MARCHF1: variants seen among roughly 807,000 people sequenced by gnomAD.
MARCHF1 encodes the protein membrane associated ring-CH-type finger 1.
Under a neutral mutation model 54.2 loss-of-function variants are expected in MARCHF1, and 40 were observed. The ratio of observed to expected loss-of-function variants is 0.74; its 90% confidence interval spans 0.57 to 0.96. The LOEUF is 0.96. Ranked by LOEUF, MARCHF1 falls within the 40% of genes least tolerant of loss-of-function variation. The probability of loss-of-function intolerance (pLI) is 0.00; values close to 1 mark genes in which losing one functional copy is unlikely to be tolerated. For synonymous variants in MARCHF1, 236 were observed against 236.3 expected, an observed-to-expected ratio of 1.00 and a Z score of 0.01; for missense variants, 586 against 656.5, an observed-to-expected ratio of 0.89 and a Z score of 1.17.
chr4:163,848,961 G>C (rs1749568487), intron 4 of MARCHF1, among the ~76,000 whole-genome samples: 1 of 152,110 alleles, frequency 6.6e-6, no homozygotes, highest in South Asian at 2.1e-4. Flanking sequence ...TCAATGCAGA[G>C]CAGAAAATAA....
At chr4:164,372,539 A>G (rs1731065498) in intron 1 of MARCHF1, among the ~76,000 whole-genome samples, 2 of 152,234 alleles carry the variant, frequency 1.3e-5, no homozygotes, top group South Asian at 2.1e-4. Context: ...TAATTTTTTT[A>G]TAATAAACAT....
intron 1 of MARCHF1, among the ~76,000 whole-genome samples, chr4:164,135,932 G>A (rs1041435931): frequency 6.6e-6 from 1 of 152,020 alleles, no homozygotes; most frequent in African/African-American, 2.4e-5. Context: ...AGGCCCAAAG[G>A]TAAATATTTT....
At chr4:164,229,523 T>G (rs1032087609) in intron 1 of MARCHF1, among the ~76,000 whole-genome samples, 1 of 152,148 alleles carries the variant, frequency 6.6e-6, no homozygotes, top group Non-Finnish European at 1.5e-5. Flanking sequence ...AGTCTGTCAC[T>G]CAGGCTGGAG....
intron 8 of MARCHF1, among the ~76,000 whole-genome samples, chr4:163,546,047 T>A (rs1738894245): frequency 6.6e-6 from 1 of 151,832 alleles, no homozygotes; most frequent in African/African-American, 2.4e-5. Context: ...CAATCTCAGG[T>A]CACTGCAACC....
At chr4:163,817,481 C>CAT (rs1284379864) in intron 4 of MARCHF1, among the ~76,000 whole-genome samples, 1 of 150,368 alleles carries the variant, frequency 6.7e-6, no homozygotes, top group Non-Finnish European at 1.5e-5. Context: ...CACACACACA[C>CAT]ATATCCATCA....
chr4:164,137,335 A>G (rs577611186), intron 1 of MARCHF1, among the ~76,000 whole-genome samples: 3 of 152,322 alleles, frequency 2.0e-5, no homozygotes, highest in African/African-American at 7.2e-5. Context: ...ATATGTCAAA[A>G]GGAGAACTAA....
At chr4:163,802,359 C>T (rs2110977303) in intron 4 of MARCHF1, among the ~76,000 whole-genome samples, 1 of 149,448 alleles carries the variant, frequency 6.7e-6, no homozygotes, top group Middle Eastern at 3.6e-3. Flanking sequence ...AAAGCAGACA[C>T]TCAGAAATAT....
At chr4:163,952,869 G>C (rs1415806292) in intron 3 of MARCHF1, among the ~76,000 whole-genome samples, 1 of 152,172 alleles carries the variant, frequency 6.6e-6, no homozygotes, top group Non-Finnish European at 1.5e-5. Flanking sequence ...GAGAAGCTCT[G>C]AGGTTATCTT....
intron 1 of MARCHF1, among the ~76,000 whole-genome samples, chr4:164,305,160 A>G (rs1734664175): frequency 6.6e-6 from 1 of 152,168 alleles, no homozygotes; most frequent in Non-Finnish European, 1.5e-5. Context: ...GAAATGGGAA[A>G]GTGACCCCCA....
chr4:163,758,076 A>C (rs1746729813), intron 4 of MARCHF1, among the ~76,000 whole-genome samples: 1 of 152,218 alleles, frequency 6.6e-6, no homozygotes, highest in Admixed American at 6.5e-5. Flanking sequence ...TTTTTAATCC[A>C]GTAGTTTCCT....
At chr4:163,819,548 A>G (rs1210531772) in intron 4 of MARCHF1, among the ~76,000 whole-genome samples, 4 of 152,066 alleles carry the variant, frequency 2.6e-5, no homozygotes, top group Non-Finnish European at 5.9e-5. Context: ...AAACTCTCCA[A>G]TTCACCACAA....
intron 1 of MARCHF1, among the ~76,000 whole-genome samples, chr4:164,213,830 T>C (rs1200660234): frequency 6.6e-6 from 1 of 151,902 alleles, no homozygotes; most frequent in African/African-American, 2.4e-5. Flanking sequence ...TAAAATCTAA[T>C]TTGGGGTTTT....
chr4:164,290,727 A>G (rs1454907265), intron 1 of MARCHF1, among the ~76,000 whole-genome samples: 1 of 151,998 alleles, frequency 6.6e-6, no homozygotes, highest in Admixed American at 6.6e-5. Flanking sequence ...AATCATTTGA[A>G]AAGTATTCAT....
chr4:163,656,493 C>T (rs1377489382), intron 5 of MARCHF1, among the ~76,000 whole-genome samples: 1 of 151,976 alleles, frequency 6.6e-6, no homozygotes, highest in Non-Finnish European at 1.5e-5. Context: ...GGAGATGGTA[C>T]CATTTCTTCT....
intron 1 of MARCHF1, among the ~76,000 whole-genome samples, chr4:164,140,239 C>CTATATATA (rs70948702): frequency 0.053 from 7,874 of 147,240 alleles, 234 homozygotes; most frequent in African/African-American, 0.063. Context: ...TACACACACA[C>CTATATATA]TATATATATA....
intron 1 of MARCHF1, among the ~76,000 whole-genome samples, chr4:164,345,437 T>C (rs1042191715): frequency 2.0e-5 from 3 of 151,902 alleles, no homozygotes; most frequent in African/African-American, 7.3e-5. Context: ...CTGGGTGTAG[T>C]GGCGCATGCT....
intron 4 of MARCHF1, among the ~76,000 whole-genome samples, chr4:163,773,577 A>G (rs1747219809): frequency 6.6e-6 from 1 of 152,178 alleles, no homozygotes; most frequent in Admixed American, 6.5e-5. Flanking sequence ...TGCTCAAACA[A>G]TATAGCACAG....
At chr4:164,155,225 G>A (rs1021384205) in intron 1 of MARCHF1, among the ~76,000 whole-genome samples, 2 of 152,090 alleles carry the variant, frequency 1.3e-5, no homozygotes, top group African/African-American at 4.8e-5. Context: ...GCTTAAGGGT[G>A]GGGCCTTTGC....
At chr4:164,278,126 CT>C (rs1435635880) in intron 1 of MARCHF1, among the ~76,000 whole-genome samples, 1 of 152,120 alleles carries the variant, frequency 6.6e-6, no homozygotes, top group East Asian at 1.9e-4. Flanking sequence ...GCCTGAGAAC[CT>C]GGCAAAAGTC....
Sources: allele counts gnomAD v4.1 joint callset (sites outside exome capture counted in the v4.1 genomes callset), GRCh38; gene constraint gnomAD v4.1.1; transcripts MANE v1.5; gene names NCBI Gene and HGNC (gene_info 2026-07-23, HGNC 2026-07-21).